Variants in CACNA2D1 observed in about 807,000 individuals in gnomAD.
CACNA2D1 encodes the protein calcium voltage-gated channel auxiliary subunit alpha2delta 1.
In CACNA2D1, 53 loss-of-function variants were observed where a neutral mutation model predicts 171.5. That is an observed-to-expected ratio of 0.31 (90% CI 0.25 to 0.39). CACNA2D1 has a LOEUF of 0.39. Among genes scored for constraint, CACNA2D1 ranks in the 10% least tolerant of loss-of-function variants. The pLI, the probability that CACNA2D1 is intolerant of heterozygous loss-of-function variation, is 1.00. For missense variants in CACNA2D1, 903 were observed against 1,299.8 expected (o/e 0.69, Z 4.69); for synonymous variants, 442 against 443.1 (o/e 1.00, Z 0.03).
intron 3 of CACNA2D1, among the ~76,000 whole-genome samples, chr7:82,286,827 T>A (rs1194108463): frequency 6.6e-6 from 1 of 152,212 alleles, no homozygotes; most frequent in Non-Finnish European, 1.5e-5. Flanking sequence ...TCCCCATGCC[T>A]ATTTAAGTGT....
intron 6 of CACNA2D1, among the ~76,000 whole-genome samples, chr7:82,091,737 A>G (rs981017627): frequency 6.6e-6 from 1 of 152,206 alleles, no homozygotes; most frequent in Non-Finnish European, 1.5e-5. Context: ...TTATTGTTTT[A>G]TCCTTTAAGC....
chr7:81,969,347 T>C (rs547759143), intron 28 of CACNA2D1, among the ~76,000 whole-genome samples: 2 of 151,570 alleles, frequency 1.3e-5, no homozygotes, highest in East Asian at 1.9e-4. Flanking sequence ...ATAAGACGTA[T>C]GTCACTGGGC....
intron 21 of CACNA2D1, among the ~76,000 whole-genome samples, chr7:81,985,339 C>G (rs1312850050): frequency 6.6e-6 from 1 of 151,488 alleles, no homozygotes; most frequent in Non-Finnish European, 1.5e-5. Flanking sequence ...GTAGCTGGGA[C>G]CATAGGCACA....
At position 81,947,670 on chromosome 7, in the gene CACNA2D1, A is replaced by C. The variant is rs1429623418; in HGVS notation, c.*2722T>G. 6.6e-6 allele frequency: 1 copy of C among 151,940 alleles called. No homozygotes were observed. The highest frequency in any genetic ancestry group is 1.5e-5 in the Non-Finnish European group (1 of 67,858). The allele number at this position is 151,940 out of a possible 1,614,324, so 9.4% of individuals were successfully genotyped here. A position where few individuals can be genotyped will look rare whatever the true frequency, so the allele number is the denominator to read the frequency against. On this transcript the variant is annotated 3_prime_UTR_variant, in exon 39 of 39. Coordinates refer to ENST00000356860, the MANE Select transcript of CACNA2D1 (RefSeq NM_000722.4). ...AAGCAGTGTATAAACTTTTTTATTGATCTGTTGTACTGTTCAGTCGTTGGA... is the reference window on the plus strand; with the variant it reads ...AAGCAGTGTATAAACTTTTTTATTGCTCTGTTGTACTGTTCAGTCGTTGGA...
chr7:82,225,085 A>G (rs1802215719), intron 3 of CACNA2D1, among the ~76,000 whole-genome samples: 2 of 152,176 alleles, frequency 1.3e-5, no homozygotes. Context: ...GTTGAGAAAA[A>G]GGGTCAAATG....
chr7:82,414,602 G>C (rs759898311), intron 1 of CACNA2D1, among the ~76,000 whole-genome samples: 4 of 152,104 alleles, frequency 2.6e-5, no homozygotes, highest in Admixed American at 6.5e-5. Context: ...GGGAGGCCAG[G>C]GTAAACATAG....
At chr7:82,168,650 C>T (rs1204519866) in intron 4 of CACNA2D1, among the ~76,000 whole-genome samples, 1 of 148,706 alleles carries the variant, frequency 6.7e-6, no homozygotes, top group Non-Finnish European at 1.5e-5. Context: ...TTAAAGAGTT[C>T]ACAATGTCTA....
chr7:81,993,799 A>T (rs1797786302), intron 20 of CACNA2D1, among the ~76,000 whole-genome samples: 1 of 152,156 alleles, frequency 6.6e-6, no homozygotes, highest in East Asian at 1.9e-4. Flanking sequence ...TATAGTCTTT[A>T]GGTGAATATT....
At chr7:82,261,201 C>T (rs1414193717) in intron 3 of CACNA2D1, among the ~76,000 whole-genome samples, 3 of 152,252 alleles carry the variant, frequency 2.0e-5, no homozygotes, top group Non-Finnish European at 4.4e-5. Context: ...GTGATCTGCC[C>T]GCCTCGGCCT....
chr7:82,118,144 A>G (rs1789295365), intron 5 of CACNA2D1, among the ~76,000 whole-genome samples: 1 of 152,172 alleles, frequency 6.6e-6, no homozygotes, highest in East Asian at 1.9e-4. Context: ...GATCCAATCA[A>G]TAATGATTCA....
At chr7:82,096,983 C>T (rs1276409743) in intron 6 of CACNA2D1, among the ~76,000 whole-genome samples, 1 of 151,948 alleles carries the variant, frequency 6.6e-6, no homozygotes, top group Non-Finnish European at 1.5e-5. Context: ...ATGAGTAACA[C>T]CTGCCTATCA....
chr7:82,244,460 T>C (rs1804675867), intron 3 of CACNA2D1, among the ~76,000 whole-genome samples: 1 of 152,150 alleles, frequency 6.6e-6, no homozygotes, highest in African/African-American at 2.4e-5. Context: ...ATTGGATGTT[T>C]AGGCTTAGTT....
At chr7:82,197,666 G>C (rs2129198952) in intron 3 of CACNA2D1, among the ~76,000 whole-genome samples, 1 of 152,142 alleles carries the variant, frequency 6.6e-6, no homozygotes. Context: ...GTGCCTCAGG[G>C]ACGACACAGA....
intron 3 of CACNA2D1, among the ~76,000 whole-genome samples, chr7:82,269,883 C>T (rs559679161): frequency 4.9e-4 from 75 of 152,276 alleles, no homozygotes; most frequent in African/African-American, 1.7e-3. Flanking sequence ...ATGTTACCAA[C>T]AGTCAACACA....
chr7:82,139,207 A>T (rs1393952244), intron 4 of CACNA2D1, among the ~76,000 whole-genome samples: 2 of 152,206 alleles, frequency 1.3e-5, no homozygotes. Flanking sequence ...CACTTGGTCC[A>T]TGGTACTAGA....
chr7:82,334,540 C>A (rs1563384711), intron 3 of CACNA2D1, among the ~76,000 whole-genome samples: 1 of 152,088 alleles, frequency 6.6e-6, no homozygotes, highest in Admixed American at 6.6e-5. Context: ...ATAAATCATA[C>A]AAACACAATG....
At chr7:82,421,761 AAT>A (rs567359522) in intron 1 of CACNA2D1, among the ~76,000 whole-genome samples, 55 of 152,302 alleles carry the variant, frequency 3.6e-4, no homozygotes, top group African/African-American at 1.2e-3. Flanking sequence ...GATGCGCCTT[AAT>A]TCACCATCTC....
intron 3 of CACNA2D1, among the ~76,000 whole-genome samples, chr7:82,189,565 T>G (rs1212287413): frequency 6.6e-6 from 1 of 151,832 alleles, no homozygotes; most frequent in Non-Finnish European, 1.5e-5. Flanking sequence ...AACAAGATAC[T>G]AGAAAATGAA....
chr7:82,195,254 C>T (rs4732433), intron 3 of CACNA2D1, among the ~76,000 whole-genome samples: 56,624 of 151,558 alleles, frequency 0.37, 10,999 homozygotes, highest in East Asian at 0.68. Flanking sequence ...TGGGTTGATG[C>T]GTGATGGGAT....
Sources: gnomAD v4.1 joint callset for allele counts (sites outside exome capture counted in the v4.1 genomes callset) on GRCh38, gnomAD v4.1.1 for gene constraint, MANE v1.5 for transcripts, NCBI Gene and HGNC (gene_info 2026-07-23, HGNC 2026-07-21) for gene names.